CMBL: variants seen among roughly 807,000 people sequenced by gnomAD.
CMBL encodes carboxymethylenebutenolidase homolog (Pseudomonas).
A neutral mutation model predicts 28.7 loss-of-function variants in CMBL; 17 were observed. The observed-to-expected ratio is 0.59, with a 90% CI of 0.41 to 0.89. CMBL has a LOEUF of 0.89. Among genes scored for constraint, CMBL ranks in the 40% least tolerant of loss-of-function variants. The pLI, the probability that CMBL is intolerant of heterozygous loss-of-function variation, is 0.00. For missense variants in CMBL, 310 were observed against 298.5 expected (o/e 1.04, Z -0.28); for synonymous variants, 106 against 101.6 (o/e 1.04, Z -0.26).
rs753880790 is a variant in CMBL, at chr5:10,288,405, G to A, written c.323+17C>T. 5.5e-5 allele frequency: 87 copies of A among 1,592,254 alleles called. No homozygotes were observed. Among genetic ancestry groups the A allele is most frequent in the South Asian group, 4.2e-4 (38 of 90,634 alleles). On this transcript the variant is annotated intron_variant, in intron 3 of 5. Transcript: ENST00000296658. ...TGGGCCACAACGTGCACATGGCCACGTCTGCGGATAACTCACCTATCGATC... is the reference window on the plus strand; with the variant it reads ...TGGGCCACAACGTGCACATGGCCACATCTGCGGATAACTCACCTATCGATC...
At chr5:10,292,116 C>T (rs1308059586) in intron 1 of CMBL, 1 of 152,206 alleles carries the variant, frequency 6.6e-6, no homozygotes, top group Non-Finnish European at 1.5e-5. Context: ...TGTGAACAAT[C>T]AACTGAGATA....
intron 1 of CMBL, among the ~76,000 whole-genome samples, chr5:10,292,620 C>T (rs1746744628): frequency 6.6e-6 from 1 of 151,994 alleles, no homozygotes; most frequent in African/African-American, 2.4e-5. Flanking sequence ...TTCAGGAGCT[C>T]AAGACCAGCC....
intron 1 of CMBL, among the ~76,000 whole-genome samples, chr5:10,292,651 C>T (rs1209287051): frequency 6.6e-6 from 1 of 152,014 alleles, no homozygotes; most frequent in Non-Finnish European, 1.5e-5. Context: ...GGTGAAACCC[C>T]CGTCTCTACT....
intron 4 of CMBL, 101 bp downstream of exon 4, chr5:10,286,253 T>G: frequency 1.7e-6 from 2 of 1,171,020 alleles, no homozygotes; most frequent in Non-Finnish European, 2.4e-6. Context: ...AGTCTTCACA[T>G]TATTGGGGGT....
In CMBL at chr5:10,290,647, A is replaced by T; in HGVS notation, c.116T>A (p.Val39Asp). ...HIKAYVTKSP[V>D]DAGKAVIVIQ... ...GACAATCACAGCTTTGCCTGCATCA[A>T]CGGGGGATTTGGTGACATAAGCCTT... The change falls in exon 2 of 6, where the codon GTT (valine) becomes GAT (aspartate). Residue 39 changes from valine to aspartate, a missense_variant. Physicochemically the swap from Val to Asp is radical, Grantham distance 152. Transcript: ENST00000296658. 1 of 1,614,228 alleles carries T rather than the reference A, an allele frequency of 6.2e-7. No individual in the cohort carries two copies. The highest frequency in any genetic ancestry group is 8.5e-7 in the Non-Finnish European group (1 of 1,180,040).
intron 1 of CMBL, among the ~76,000 whole-genome samples, chr5:10,292,541 C>T (rs1283466593): frequency 4.6e-5 from 7 of 152,094 alleles, no homozygotes; most frequent in South Asian, 2.1e-4. Context: ...ATTAAGGTTC[C>T]GGACCAGGCA....
chr5:10,292,850 G>T (rs898377104), intron 1 of CMBL, among the ~76,000 whole-genome samples: 1 of 134,074 alleles, frequency 7.5e-6, no homozygotes, highest in Non-Finnish European at 1.7e-5. Flanking sequence ...AAAAAATTAA[G>T]GTTCCATCAA....
chr5:10,281,856 G>A (rs964261007), intron 5 of CMBL, among the ~76,000 whole-genome samples: 1 of 152,076 alleles, frequency 6.6e-6, no homozygotes, highest in African/African-American at 2.4e-5. Flanking sequence ...ATGTCAAACC[G>A]TGCTATTAAA....
rs1439301719 is a variant in CMBL, at chr5:10,278,436, C to T, written c.*2017G>A. On this transcript the variant is annotated 3_prime_UTR_variant, in exon 6 of 6. Transcript: ENST00000296658. ...GACCATGCCGATATCCTACCCACAC[C>T]GACCCCTCTCAGTCACAGCGTGAGT... is the stretch of plus-strand genomic sequence containing the variant. Among the ~76,000 whole-genome samples, 1 of 152,082 alleles carries T rather than the reference C, an allele frequency of 6.6e-6. No homozygotes were observed. Among genetic ancestry groups the T allele is most frequent in the African/African-American group, 2.4e-5 (1 of 41,414 alleles).
chr5:10,298,916 A>C (rs1343585840), intron 1 of CMBL, among the ~76,000 whole-genome samples: 1 of 152,108 alleles, frequency 6.6e-6, no homozygotes, highest in Non-Finnish European at 1.5e-5. Flanking sequence ...ACAAAAACCC[A>C]AAATAGCTCC....
chr5:10,288,714 G>T (rs1746652397), intron 2 of CMBL, among the ~76,000 whole-genome samples, 185 bp from the exon 3 acceptor site: 1 of 152,258 alleles, frequency 6.6e-6, no homozygotes, highest in Non-Finnish European at 1.5e-5. Context: ...GCCCTCTTAG[G>T]TTTCACAACC....
In CMBL at chr5:10,288,468, T is replaced by C. The variant is rs199662372; in HGVS notation, c.277A>G (p.Ile93Val). The C allele has an allele frequency of 2.0e-5, 32 of 1,614,128 alleles. No homozygotes were observed. The East Asian group carries it at 2.2e-4, about 11-fold the overall frequency. ...EPWDPSGDWS[I>V]FPEWLKTRNA... ...CTTGTTTTCAGCCACTCAGGGAAGA[T>C]AGACCAGTCGCCAGAGGGGTCCCAA... The change falls in exon 3 of 6, where the codon ATC becomes GTC. Residue 93 changes from isoleucine (I) to valine (V), a missense_variant. Transcript: ENST00000296658.
chr5:10,277,876 T>C lies in CMBL; in HGVS notation c.*2577A>G, dbSNP rs1186530362. On this transcript the variant is annotated 3_prime_UTR_variant, in exon 6 of 6. Coordinates refer to ENST00000296658, the MANE Select transcript of CMBL (RefSeq NM_138809.4). ...GGATACAGCCACACCCTTGGTTCAT[T>C]CTCGCACGAATTTCAGACCTCCCAC... Among the ~76,000 whole-genome samples the C allele has an allele frequency of 6.6e-6, 1 of 152,170 alleles. No individual in the cohort carries two copies. Among genetic ancestry groups the C allele is most frequent in the Non-Finnish European group, 1.5e-5 (1 of 68,028 alleles).
chr5:10,306,779 T>C (rs755175410), intron 1 of CMBL, among the ~76,000 whole-genome samples: 1 of 152,176 alleles, frequency 6.6e-6, no homozygotes, highest in African/African-American at 2.4e-5. Context: ...CGAGATAGCA[T>C]GAATTAGGAA....
At chr5:10,281,219 C>T (rs149053613) in intron 5 of CMBL, among the ~76,000 whole-genome samples, 102 of 152,142 alleles carry the variant, frequency 6.7e-4, no homozygotes, top group African/African-American at 2.3e-3. Flanking sequence ...TTCTAAATGA[C>T]TGCTTTTTTT....
At chr5:10,296,162 A>G (rs1746805663) in intron 1 of CMBL, among the ~76,000 whole-genome samples, 1 of 152,258 alleles carries the variant, frequency 6.6e-6, no homozygotes, top group Non-Finnish European at 1.5e-5. Flanking sequence ...CGCTGTGACC[A>G]GGCCACAGGT....
At chr5:10,288,688 C>G (rs1263068634) in intron 2 of CMBL, among the ~76,000 whole-genome samples, 159 bp from the exon 3 acceptor site, 1 of 152,236 alleles carries the variant, frequency 6.6e-6, no homozygotes, top group Non-Finnish European at 1.5e-5. Context: ...AAAGCAGCCA[C>G]CTGGCACCGG....
chr5:10,298,729 C>T (rs1746847516), intron 1 of CMBL, among the ~76,000 whole-genome samples: 1 of 152,158 alleles, frequency 6.6e-6, no homozygotes, highest in Non-Finnish European at 1.5e-5. Flanking sequence ...CCCGTTTCTA[C>T]TAAAAATACA....
intron 1 of CMBL, among the ~76,000 whole-genome samples, chr5:10,291,082 G>C (rs1746705624): frequency 6.6e-6 from 1 of 152,174 alleles, no homozygotes; most frequent in African/African-American, 2.4e-5. Flanking sequence ...GAGTGAGGGT[G>C]ACACCCACAG....
Sources: gnomAD v4.1 joint callset for allele counts (sites outside exome capture counted in the v4.1 genomes callset) on GRCh38, gnomAD v4.1.1 for gene constraint, MANE v1.5 for transcripts, NCBI Gene and HGNC (gene_info 2026-07-23, HGNC 2026-07-21) for gene names.